The following TMEM131L variants were observed in gnomAD, a reference collection of about 807,000 sequenced individuals.
TMEM131L encodes the protein transmembrane 131 like.
Under a neutral mutation model 192.2 loss-of-function variants are expected in TMEM131L, and 54 were observed. That is an observed-to-expected ratio of 0.28 (90% CI 0.23 to 0.35). TMEM131L has a LOEUF of 0.35. Ranked by LOEUF, TMEM131L falls within the 10% of genes least tolerant of loss-of-function variation. TMEM131L has a pLI of 1.00. For synonymous variants in TMEM131L, 701 were observed against 704.9 expected (o/e 0.99, Z 0.09); for missense variants, 1,888 against 1,972.9 (o/e 0.96, Z 0.82).
At chr4:153,512,303 T>C (rs545683857) in intron 3 of TMEM131L, among the ~76,000 whole-genome samples, 2 of 152,344 alleles carry the variant, frequency 1.3e-5, no homozygotes, top group South Asian at 2.1e-4. Flanking sequence ...TGAAAGAGTC[T>C]ATAGTTTCTC....
chr4:153,604,109 C>G lies in TMEM131L; in HGVS notation c.3097C>G (p.Leu1033Val). 6.2e-7 allele frequency: 1 copy of G among 1,614,178 alleles called. No individual in the cohort carries two copies. The highest frequency in any genetic ancestry group is 8.5e-7 in the Non-Finnish European group (1 of 1,180,022). The change falls in exon 25 of 35, where the codon CTC (leucine) becomes GTC (valine). Residue 1033 changes from leucine to valine, a missense_variant. Coordinates refer to ENST00000409959, the MANE Select transcript of TMEM131L (RefSeq NM_001131007.2). ...TGCCATGCGTGAGAACTGGATCAGC[C>G]TCAGATATGCAAGTGGCATAAATGT... is the stretch of plus-strand genomic sequence containing the variant. ...TDAMRENWIS[L>V]RYASGINVNL...
At chr4:153,473,966 A>G (rs1259323249) in intron 3 of TMEM131L, 78 bp downstream of exon 3, 5 of 937,124 alleles carry the variant, frequency 5.3e-6, no homozygotes, top group Admixed American at 5.1e-5. Flanking sequence ...GTCTCAGTAT[A>G]TGTCCATGTT....
At chr4:153,516,368 T>TAG (rs1734730683) in intron 3 of TMEM131L, among the ~76,000 whole-genome samples, 2 of 152,240 alleles carry the variant, frequency 1.3e-5, no homozygotes, top group African/African-American at 2.4e-5. Context: ...TAGCTGAAAC[T>TAG]AGAGGCATGC....
At chr4:153,568,767 T>G (rs1729393430) in intron 7 of TMEM131L, among the ~76,000 whole-genome samples, 1 of 152,252 alleles carries the variant, frequency 6.6e-6, no homozygotes. Flanking sequence ...TTAGAAGACT[T>G]AGAGATACCT....
intron 30 of TMEM131L, among the ~76,000 whole-genome samples, chr4:153,627,372 A>AT (rs1303634337): frequency 1.3e-5 from 2 of 151,976 alleles, no homozygotes; most frequent in East Asian, 1.9e-4. Context: ...ATGTTAGTTA[A>AT]TTTTTTTTGT....
intron 3 of TMEM131L, among the ~76,000 whole-genome samples, chr4:153,537,215 A>G (rs1444578960): frequency 1.3e-5 from 2 of 152,210 alleles, no homozygotes; most frequent in Non-Finnish European, 2.9e-5. Flanking sequence ...AGAGCATTAG[A>G]TGATCTCTTG....
chr4:153,627,614 T>C lies in TMEM131L; in HGVS notation c.4134T>C (p.Asn1378=). 4 of 1,613,882 alleles carry C rather than the reference T, an allele frequency of 2.5e-6. No homozygotes were observed. Among genetic ancestry groups the C allele is most frequent in the Non-Finnish European group, 3.4e-6 (4 of 1,179,800 alleles). Residue 1378 remains asparagine (N), a synonymous_variant, in exon 31 of 35, where the codon AAT becomes AAC. Transcript: ENST00000409959. ...SHNICNPMTV[N]SLPQYAEPSC... ...GCCCTCTTCCCCACAGGACCGTGAA[T>C]AGTCTCCCACAATACGCAGAGCCTT...
At chr4:153,596,111 G>T in intron 19 of TMEM131L, 147 bp from the exon 20 acceptor site, 1 of 885,678 alleles carries the variant, frequency 1.1e-6, no homozygotes, top group Non-Finnish European at 1.7e-6. Context: ...TGAACTCTCA[G>T]GATAAGCAAG....
intron 21 of TMEM131L, among the ~76,000 whole-genome samples, chr4:153,599,716 C>T (rs968227914): frequency 2.0e-5 from 3 of 152,134 alleles, no homozygotes; most frequent in Non-Finnish European, 4.4e-5. Context: ...TGAAAATATT[C>T]TGTATCTGTG....
chr4:153,477,467 G>T (rs765830894), intron 3 of TMEM131L, among the ~76,000 whole-genome samples: 1 of 152,056 alleles, frequency 6.6e-6, no homozygotes, highest in South Asian at 2.1e-4. Context: ...CTTTTTGCCA[G>T]TTTTTTCAAA....
intron 3 of TMEM131L, among the ~76,000 whole-genome samples, chr4:153,475,604 A>G (rs1731475861): frequency 4.6e-5 from 7 of 152,110 alleles, no homozygotes. Context: ...TGTTGGTTTG[A>G]TCAATTGTAT....
intron 7 of TMEM131L, among the ~76,000 whole-genome samples, chr4:153,573,488 A>ACCTG (rs1729730606): frequency 1.3e-5 from 2 of 152,186 alleles, no homozygotes; most frequent in African/African-American, 4.8e-5. Flanking sequence ...TGCCTGACCT[A>ACCTG]TCAAGGTGAA....
intron 26 of TMEM131L, among the ~76,000 whole-genome samples, chr4:153,617,625 T>C (rs1457115231): frequency 6.6e-6 from 1 of 152,216 alleles, no homozygotes; most frequent in Admixed American, 6.5e-5. Context: ...ATGCTACCAC[T>C]GAAAAGAAGT....
intron 28 of TMEM131L, among the ~76,000 whole-genome samples, chr4:153,622,174 C>T (rs888067399): frequency 1.3e-5 from 2 of 152,152 alleles, no homozygotes; most frequent in Non-Finnish European, 2.9e-5. Flanking sequence ...TGAGATAGTG[C>T]TACCCCCGTG....
chr4:153,509,175 T>A (rs1734183974), intron 3 of TMEM131L, among the ~76,000 whole-genome samples: 1 of 148,272 alleles, frequency 6.7e-6, no homozygotes, highest in African/African-American at 2.5e-5. Flanking sequence ...TGAAACCCTG[T>A]CTCTACTAAA....
chr4:153,536,372 A>C (rs144665844), intron 3 of TMEM131L, among the ~76,000 whole-genome samples: 3 of 152,334 alleles, frequency 2.0e-5, no homozygotes, highest in Non-Finnish European at 4.4e-5. Context: ...TTCATGTATG[A>C]TTTGCATATG....
chr4:153,562,123 C>T lies in TMEM131L; in HGVS notation c.660+3755C>T, dbSNP rs548645108. 1.3e-3 allele frequency among the ~76,000 whole-genome samples: 198 copies of T among 151,856 alleles called. 1 individual carries two copies. The highest frequency in any genetic ancestry group is 0.011 in the South Asian group (55 of 4,808). On this transcript the variant is annotated intron_variant, in intron 7 of 34. Coordinates refer to ENST00000409959, the MANE Select transcript of TMEM131L (RefSeq NM_001131007.2). ...TGCGATCTCAGCTCACTGCAACCTC[C>T]GCCTCCTGGGTTCAAGCAATTCTGC... is the stretch of plus-strand genomic sequence containing the variant.
At chr4:153,514,217 G>C (rs922706730) in intron 3 of TMEM131L, among the ~76,000 whole-genome samples, 14 of 152,262 alleles carry the variant, frequency 9.2e-5, no homozygotes, top group African/African-American at 3.4e-4. Context: ...CTTTTCTAGA[G>C]GATTGTTGAG....
intron 21 of TMEM131L, among the ~76,000 whole-genome samples, chr4:153,599,847 C>T (rs1345753444): frequency 1.3e-5 from 2 of 152,086 alleles, no homozygotes. Flanking sequence ...CACCTGAGGT[C>T]AGGAGTTCGA....
Sources: allele counts gnomAD v4.1 joint callset (sites outside exome capture counted in the v4.1 genomes callset), GRCh38; gene constraint gnomAD v4.1.1; transcripts MANE v1.5; gene names NCBI Gene and HGNC (gene_info 2026-07-23, HGNC 2026-07-21).